Variants in NYAP2 observed in about 807,000 individuals in gnomAD.
NYAP2 encodes the protein neuronal tyrosine-phosphorylated phosphoinositide-3-kinase adaptor 2.
A neutral mutation model predicts 50.4 loss-of-function variants in NYAP2; 23 were observed. That is an observed-to-expected ratio of 0.46 (90% CI 0.33 to 0.65). The LOEUF (loss-of-function observed/expected upper bound fraction) is 0.65. NYAP2 is among the 30% of genes least tolerant of loss of function. The pLI, the probability that NYAP2 is intolerant of heterozygous loss-of-function variation, is 0.02. For synonymous variants in NYAP2, 394 were observed against 365.2 expected, an observed-to-expected ratio of 1.08 and a Z score of -0.90; for missense variants, 885 against 861.0, an observed-to-expected ratio of 1.03 and a Z score of -0.35.
chr2:225,632,337 G>T (rs1349876767), intron 6 of NYAP2, among the ~76,000 whole-genome samples: 1 of 152,104 alleles, frequency 6.6e-6, no homozygotes, highest in Non-Finnish European at 1.5e-5. Flanking sequence ...GAGGAAAGAA[G>T]ATTCTACTTA....
chr2:225,520,803 T>A lies in NYAP2; in HGVS notation c.523+7131T>A, dbSNP rs1333524402. ...ACTTTAAAGTAGTTTTTTCCAATTC[T>A]GTGAAGAAAGTCATTGGTAGCTTGA... On this transcript the variant is annotated intron_variant, in intron 4 of 6. Coordinates refer to ENST00000636099, the Ensembl canonical transcript of NYAP2. Among the ~76,000 whole-genome samples, 10 of 152,352 alleles carry A rather than the reference T, an allele frequency of 6.6e-5. No homozygotes were observed. In the East Asian group the frequency reaches 1.9e-3, roughly 29 times the overall value.
chr2:225,464,141 A>C (rs887492861), intron 3 of NYAP2, among the ~76,000 whole-genome samples: 2 of 152,042 alleles, frequency 1.3e-5, no homozygotes, highest in African/African-American at 4.8e-5. Context: ...CAGTAGGGAG[A>C]CCCACAAACA....
chr2:225,472,764 A>G (rs976723523), intron 3 of NYAP2, among the ~76,000 whole-genome samples: 3 of 152,164 alleles, frequency 2.0e-5, no homozygotes, highest in African/African-American at 7.2e-5. Context: ...TTTCCTTGCT[A>G]GCAATAGAAA....
At chr2:225,587,843 A>G (rs942655323) in intron 5 of NYAP2, among the ~76,000 whole-genome samples, 155 of 151,424 alleles carry the variant, frequency 1.0e-3, no homozygotes, top group African/African-American at 3.3e-3. Flanking sequence ...AAAAAAAGCT[A>G]TATCATACTC....
chr2:225,532,389 T>C (rs1362074106), intron 4 of NYAP2, among the ~76,000 whole-genome samples: 2 of 152,238 alleles, frequency 1.3e-5, no homozygotes, highest in Non-Finnish European at 2.9e-5. Flanking sequence ...GTTTCTATTA[T>C]ATGAATTGCT....
intron 3 of NYAP2, among the ~76,000 whole-genome samples, chr2:225,496,554 T>C (rs574800794): frequency 6.6e-6 from 1 of 152,232 alleles, no homozygotes; most frequent in Admixed American, 6.5e-5. Flanking sequence ...TGGCCACAAA[T>C]GAGTTATAAA....
At chr2:225,460,192 A>G (rs963962961) in intron 3 of NYAP2, among the ~76,000 whole-genome samples, 7 of 152,152 alleles carry the variant, frequency 4.6e-5, no homozygotes, top group Non-Finnish European at 8.8e-5. Flanking sequence ...TAGCTCTTGA[A>G]AGATTTCAAG....
intron 3 of NYAP2, among the ~76,000 whole-genome samples, chr2:225,470,166 G>GA (rs1352371448): frequency 2.0e-5 from 3 of 151,992 alleles, no homozygotes; most frequent in Admixed American, 6.6e-5. Flanking sequence ...ACCACACAGT[G>GA]AAAAAATGGG....
the NYAP2 span, among the ~76,000 whole-genome samples, chr2:225,677,069 GA>G: frequency 6.6e-6 from 1 of 152,020 alleles, no homozygotes; most frequent in South Asian, 2.1e-4. Context: ...ATTTGTGTTA[GA>G]GAGTCTCTGA....
At chr2:225,601,448 G>C (rs1279853431) in intron 5 of NYAP2, among the ~76,000 whole-genome samples, 1 of 152,046 alleles carries the variant, frequency 6.6e-6, no homozygotes, top group Non-Finnish European at 1.5e-5. Flanking sequence ...CTCTGTTTAA[G>C]TTTTTGAGAA....
chr2:225,641,543 G>A (rs1335720462), intron 6 of NYAP2, among the ~76,000 whole-genome samples: 2 of 151,438 alleles, frequency 1.3e-5, no homozygotes, highest in African/African-American at 2.4e-5. Flanking sequence ...GGCCAGGTGC[G>A]GTGGCTCACG....
At chr2:225,597,531 G>A (rs377598343) in intron 5 of NYAP2, among the ~76,000 whole-genome samples, 2,134 of 25,142 alleles carry the variant, frequency 0.085, 1 homozygote, top group Non-Finnish European at 0.14. Context: ...ATATATATAT[G>A]TATCACAATT....
At chr2:225,472,844 ACATGTGC>A (rs1300050136) in intron 3 of NYAP2, among the ~76,000 whole-genome samples, 1 of 152,064 alleles carries the variant, frequency 6.6e-6, no homozygotes, top group Non-Finnish European at 1.5e-5. Context: ...GTTCTAGGGT[ACATGTGC>A]ACAACGTGCA....
the NYAP2 span, among the ~76,000 whole-genome samples, chr2:225,667,275 G>A: frequency 3.8e-4 from 50 of 131,222 alleles, no homozygotes; most frequent in African/African-American, 1.2e-3. Flanking sequence ...AGCCAAATAC[G>A]TGTGTGTGAA....
chr2:225,556,778 T>C (rs1691783364), intron 4 of NYAP2, among the ~76,000 whole-genome samples: 1 of 152,224 alleles, frequency 6.6e-6, no homozygotes, highest in East Asian at 1.9e-4. Context: ...TTCTGCTATA[T>C]TTCATGATCA....
chr2:225,673,193 T>C, the NYAP2 span, among the ~76,000 whole-genome samples: 1 of 152,026 alleles, frequency 6.6e-6, no homozygotes, highest in East Asian at 1.9e-4. Flanking sequence ...GCTTACTTAC[T>C]ATCATGAGAA....
intron 3 of NYAP2, among the ~76,000 whole-genome samples, chr2:225,421,974 C>T (rs1695223614): frequency 6.6e-6 from 1 of 152,006 alleles, no homozygotes; most frequent in African/African-American, 2.4e-5. Context: ...TTCTTCTTTT[C>T]CACATAATTT....
chr2:225,606,086 T>A (rs529739299), intron 5 of NYAP2, among the ~76,000 whole-genome samples: 1 of 152,282 alleles, frequency 6.6e-6, no homozygotes, highest in African/African-American at 2.4e-5. Context: ...CTTAGTAGAA[T>A]CCTAGTAGAA....
chr2:225,489,409 G>A (rs1690365462), intron 3 of NYAP2, among the ~76,000 whole-genome samples: 1 of 151,986 alleles, frequency 6.6e-6, no homozygotes, highest in African/African-American at 2.4e-5. Flanking sequence ...TGTTGGCCAG[G>A]GTGGTCTTGA....
Sources: gnomAD v4.1 joint callset for allele counts (sites outside exome capture counted in the v4.1 genomes callset) on GRCh38, gnomAD v4.1.1 for gene constraint, MANE v1.5 for transcripts, NCBI Gene and HGNC (gene_info 2026-07-23, HGNC 2026-07-21) for gene names.